The following HIRA variants were observed in gnomAD, a reference collection of about 807,000 sequenced individuals.
HIRA encodes the protein protein HIRA.
In HIRA, 13 loss-of-function variants were observed where a neutral mutation model predicts 126.6. The ratio of observed to expected loss-of-function variants is 0.10; its 90% confidence interval spans 0.07 to 0.16. HIRA has a LOEUF of 0.16. HIRA is among the 10% of genes least tolerant of loss of function. The pLI is 1.00. For missense variants in HIRA, 834 were observed against 1,314.4 expected (o/e 0.63, Z 5.65); for synonymous variants, 511 against 520.0 (o/e 0.98, Z 0.24).
chr22:19,360,895 T>TGA (rs1209546698), intron 17 of HIRA, among the ~76,000 whole-genome samples: 1 of 152,194 alleles, frequency 6.6e-6, no homozygotes, highest in Non-Finnish European at 1.5e-5. Flanking sequence ...ACACCAAGCC[T>TGA]GAGGCTGCCC....
chr22:19,408,610 G>T lies in HIRA; in HGVS notation c.101-17C>A. ...AATCCTGCCCTGGAACAAAGGAGCA[G>T]AAATGGCTGAATGTGCAAGGAGTAG... On this transcript the variant is annotated splice_polypyrimidine_tract_variant and intron_variant, in intron 2 of 24. Coordinates refer to ENST00000263208, the MANE Select transcript of HIRA (RefSeq NM_003325.4). 2 of 1,438,406 alleles carry T rather than the reference G, an allele frequency of 1.4e-6. No homozygotes were observed. Among genetic ancestry groups the T allele is most frequent in the South Asian group, 1.1e-5 (1 of 87,566 alleles). 89.1% of individuals were successfully genotyped at this position (1,438,406 alleles called of 1,614,324 possible). A position where few individuals can be genotyped will look rare whatever the true frequency, so the allele number is the denominator to read the frequency against.
intron 1 of HIRA, among the ~76,000 whole-genome samples, chr22:19,422,201 TATATATATATAC>T (rs979268884): frequency 6.7e-5 from 9 of 133,746 alleles, no homozygotes; most frequent in African/African-American, 3.2e-4. Context: ...CACATACACA[TATATATATATAC>T]ATATATATAT....
At chr22:19,422,169 T>TACACACACACACACACACACACAC (rs762601560) in intron 1 of HIRA, among the ~76,000 whole-genome samples, 3 of 111,582 alleles carry the variant, frequency 2.7e-5, no homozygotes, top group Non-Finnish European at 6.3e-5. Flanking sequence ...TGTGTTTATA[T>TACACACACACACACACACACACAC]ATACACACAC....
intron 4 of HIRA, 40 bp from the exon 5 acceptor site, chr22:19,405,920 T>C: frequency 7.7e-7 from 1 of 1,303,206 alleles, no homozygotes; most frequent in Non-Finnish European, 1.0e-6. Flanking sequence ...CATGGAGTGC[T>C]CTGGGCACTG....
At chr22:19,375,216 T>C (rs1000340621) in intron 15 of HIRA, among the ~76,000 whole-genome samples, 4 of 152,216 alleles carry the variant, frequency 2.6e-5, no homozygotes, top group African/African-American at 9.6e-5. Context: ...ATTGCAGCTC[T>C]CTACCTCTGG....
intron 23 of HIRA, among the ~76,000 whole-genome samples, chr22:19,352,427 C>G (rs1249553125): frequency 1.3e-5 from 2 of 152,084 alleles, no homozygotes; most frequent in Non-Finnish European, 2.9e-5. Context: ...AGCTGGGGAC[C>G]ACACATAATG....
At chr22:19,393,962 C>T (rs1346341371) in intron 8 of HIRA, among the ~76,000 whole-genome samples, 2 of 152,212 alleles carry the variant, frequency 1.3e-5, no homozygotes, top group Non-Finnish European at 2.9e-5. Flanking sequence ...CAAGATCTGG[C>T]AGCAGCTCCC....
At chr22:19,347,931 T>G (rs1556009402) in intron 24 of HIRA, among the ~76,000 whole-genome samples, 1 of 152,164 alleles carries the variant, frequency 6.6e-6, no homozygotes, top group Non-Finnish European at 1.5e-5. Flanking sequence ...AGAGCGAGAC[T>G]CCGTCTCAAA....
chr22:19,336,141 G>A (rs1357606629), intron 24 of HIRA, among the ~76,000 whole-genome samples: 2 of 152,178 alleles, frequency 1.3e-5, no homozygotes, highest in East Asian at 1.9e-4. Flanking sequence ...AGAACTACAC[G>A]CACAATTGCT....
At chr22:19,348,198 T>C (rs782383051) in intron 24 of HIRA, among the ~76,000 whole-genome samples, 29 of 152,188 alleles carry the variant, frequency 1.9e-4, no homozygotes, top group Non-Finnish European at 3.5e-4. Flanking sequence ...CAGAAGCAAA[T>C]AGAAGTGTTC....
Position 19,356,783 on chromosome 22 carries a change from A to C in HIRA, c.2396+107T>G, listed in dbSNP as rs2088816277. 25 of 1,159,200 alleles carry C rather than the reference A, an allele frequency of 2.2e-5. No individual in the cohort carries two copies. In the South Asian group the frequency reaches 3.7e-4, roughly 17 times the overall value. The allele number at this position is 1,159,200 out of a possible 1,614,324, so 71.8% of individuals were successfully genotyped here. A position where few individuals can be genotyped will look rare whatever the true frequency, so the allele number is the denominator to read the frequency against. On this transcript the variant is annotated intron_variant, in intron 19 of 24. Coordinates refer to ENST00000263208, the MANE Select transcript of HIRA (RefSeq NM_003325.4). The stretch of plus-strand genomic sequence containing the variant: ...TGCTCAGGGCCTCTTCTGGGGCCTG[A>C]TGGCCAGCCTTGTCCACTGCCTTCC...
At chr22:19,331,769 GGAT>G (rs1476578670) in intron 24 of HIRA, among the ~76,000 whole-genome samples, 1 of 152,206 alleles carries the variant, frequency 6.6e-6, no homozygotes, top group Non-Finnish European at 1.5e-5. Context: ...GGATAAAGGA[GGAT>G]GAGGCCAATG....
At chr22:19,385,257 C>A (rs934297537) in intron 12 of HIRA, among the ~76,000 whole-genome samples, 1 of 152,178 alleles carries the variant, frequency 6.6e-6, no homozygotes, top group South Asian at 2.1e-4. Context: ...TTTAGAAAGA[C>A]CAGAAGGATA....
intron 5 of HIRA, among the ~76,000 whole-genome samples, chr22:19,401,412 C>T (rs1411465896): frequency 6.6e-6 from 1 of 152,184 alleles, no homozygotes. Context: ...GCCTCTCCTT[C>T]TAGCTTCTTT....
chr22:19,344,564 T>C (rs142677854), intron 24 of HIRA, among the ~76,000 whole-genome samples: 55 of 152,298 alleles, frequency 3.6e-4, no homozygotes, highest in Admixed American at 1.3e-3. Context: ...CTCTGATGTA[T>C]TCTACCAAAC....
Position 19,405,861 on chromosome 22 carries a change from C to T in HIRA, c.322G>A (p.Val108Met), listed in dbSNP as rs139850367. 6.6e-6 allele frequency: 10 copies of T among 1,505,026 alleles called. No homozygotes were observed. In the African/African-American group the frequency reaches 9.9e-5, roughly 15 times the overall value. The allele number at this position is 1,505,026 out of a possible 1,614,324, so 93.2% of individuals were successfully genotyped here. A position where few individuals can be genotyped will look rare whatever the true frequency, so the allele number is the denominator to read the frequency against. Residue 108 changes from valine (V) to methionine (M), a missense_variant, in exon 5 of 25, where the codon GTG (valine) becomes ATG (methionine). Transcript: ENST00000263208. ...GCAAGCTTACCACTGGAGCCGAACACGGTGCTGGGGCCGATGTACCTGTGT... is the reference window on the plus strand; with the variant it reads ...GCAAGCTTACCACTGGAGCCGAACATGGTGCTGGGGCCGATGTACCTGTGT... ...KRATYIGPSTVFGSSGKLANV... is the reference protein window; with the variant it reads ...KRATYIGPSTMFGSSGKLANV...
intron 24 of HIRA, among the ~76,000 whole-genome samples, chr22:19,332,995 A>ACCT (rs1408015527): frequency 1.3e-5 from 2 of 152,232 alleles, no homozygotes; most frequent in East Asian, 3.9e-4. Flanking sequence ...TGCAGCCTCA[A>ACCT]CCTCCCAGGC....
intron 1 of HIRA, among the ~76,000 whole-genome samples, chr22:19,424,256 G>A (rs2089471615): frequency 6.6e-6 from 1 of 152,228 alleles, no homozygotes; most frequent in Admixed American, 6.5e-5. Context: ...CGTTATGTAA[G>A]CCAGTAGGCA....
intron 19 of HIRA, 138 bp from the exon 20 acceptor site, chr22:19,356,426 C>T (rs1385467257): frequency 1.9e-5 from 13 of 692,390 alleles, no homozygotes; most frequent in African/African-American, 1.1e-4. Flanking sequence ...CTCTGGGCTA[C>T]GAGTGGCTTC....
Sources: gnomAD v4.1 joint callset for allele counts (sites outside exome capture counted in the v4.1 genomes callset) on GRCh38, gnomAD v4.1.1 for gene constraint, MANE v1.5 for transcripts, NCBI Gene and HGNC (gene_info 2026-07-23, HGNC 2026-07-21) for gene names.